PPARGC1B: variants seen among roughly 807,000 people sequenced by gnomAD.
PPARGC1B encodes PPARG coactivator 1 beta, also known as peroxisome proliferator-activated receptor gamma coactivator 1-beta.
Under a neutral mutation model 101.6 loss-of-function variants are expected in PPARGC1B, and 34 were observed. The observed-to-expected ratio is 0.33, with a 90% CI of 0.25 to 0.45. PPARGC1B has a LOEUF of 0.45. Ranked by LOEUF, PPARGC1B falls within the 20% of genes least tolerant of loss-of-function variation. The probability of loss-of-function intolerance (pLI) is 1.00; values close to 1 mark genes in which losing one functional copy is unlikely to be tolerated. For synonymous variants in PPARGC1B, 548 were observed against 539.3 expected (o/e 1.02, Z -0.22); for missense variants, 1,234 against 1,317.6 (o/e 0.94, Z 0.98).
chr5:149,759,900 G>A (rs147636456), intron 1 of PPARGC1B, among the ~76,000 whole-genome samples: 22 of 152,348 alleles, frequency 1.4e-4, no homozygotes, highest in Non-Finnish European at 2.2e-4. Context: ...TAGTGGCAGA[G>A]CTGGGATTTG....
intron 1 of PPARGC1B, among the ~76,000 whole-genome samples, chr5:149,756,965 C>T (rs972782231): frequency 3.3e-5 from 5 of 152,300 alleles, no homozygotes; most frequent in South Asian, 4.1e-4. Context: ...TGTTCAGTAA[C>T]CACTGTGCTT....
chr5:149,748,815 T>C (rs1427690839), intron 1 of PPARGC1B, among the ~76,000 whole-genome samples: 1 of 152,160 alleles, frequency 6.6e-6, no homozygotes, highest in Non-Finnish European at 1.5e-5. Context: ...GAACGAAATG[T>C]CTGGAAGAAT....
intron 1 of PPARGC1B, among the ~76,000 whole-genome samples, chr5:149,782,197 G>T (rs1756624483): frequency 6.6e-6 from 1 of 152,126 alleles, no homozygotes; most frequent in African/African-American, 2.4e-5. Context: ...GAAGGCTCCT[G>T]ATCAGCTTGG....
chr5:149,814,156 A>AT (rs1254828423), intron 1 of PPARGC1B, among the ~76,000 whole-genome samples: 2 of 152,128 alleles, frequency 1.3e-5, no homozygotes, highest in Non-Finnish European at 2.9e-5. Context: ...TATTATCCCC[A>AT]TTTTGTGACT....
chr5:149,788,519 G>A (rs947924576), intron 1 of PPARGC1B, among the ~76,000 whole-genome samples: 3 of 152,190 alleles, frequency 2.0e-5, no homozygotes, highest in Non-Finnish European at 2.9e-5. Context: ...ACAGTGTGGC[G>A]ATTCCTTAAG....
At chr5:149,820,051 A>G (rs1758222448) in intron 1 of PPARGC1B, among the ~76,000 whole-genome samples, 2 of 152,214 alleles carry the variant, frequency 1.3e-5, no homozygotes, top group Admixed American at 1.3e-4. Flanking sequence ...TTATTAATAT[A>G]GAGGCATTGT....
chr5:149,769,812 C>G (rs1411042055), intron 1 of PPARGC1B, among the ~76,000 whole-genome samples: 7 of 152,124 alleles, frequency 4.6e-5, no homozygotes, highest in African/African-American at 1.7e-4. Flanking sequence ...GGCTTGTGGC[C>G]CCTTCACTTA....
chr5:149,754,843 G>A (rs1755447694), intron 1 of PPARGC1B, among the ~76,000 whole-genome samples: 2 of 134,284 alleles, frequency 1.5e-5, no homozygotes, highest in Admixed American at 8.2e-5. Flanking sequence ...GTGCAGTGGT[G>A]TGATCTCAGC....
chr5:149,820,230 AG>A (rs1758232246), intron 1 of PPARGC1B, among the ~76,000 whole-genome samples: 1 of 152,180 alleles, frequency 6.6e-6, no homozygotes, highest in African/African-American at 2.4e-5. Context: ...GGAGAGCAGC[AG>A]GGGGTTTTGT....
chr5:149,759,979 T>G (rs1755663267), intron 1 of PPARGC1B, among the ~76,000 whole-genome samples: 1 of 152,224 alleles, frequency 6.6e-6, no homozygotes, highest in South Asian at 2.1e-4. Flanking sequence ...ACACCCATTA[T>G]GTGCAAGGAG....
intron 1 of PPARGC1B, among the ~76,000 whole-genome samples, chr5:149,802,629 T>TCA (rs2113295649): frequency 6.6e-6 from 1 of 151,112 alleles, no homozygotes; most frequent in South Asian, 2.1e-4. Flanking sequence ...GCATACGTGA[T>TCA]CACACAGAGC....
intron 9 of PPARGC1B, among the ~76,000 whole-genome samples, chr5:149,841,647 A>G (rs1452028437): frequency 1.3e-5 from 2 of 152,176 alleles, no homozygotes. Flanking sequence ...CAACCAGATC[A>G]AATCACAGAT....
chr5:149,855,755 CTT>C (rs1031101484), downstream of PPARGC1B, among the ~76,000 whole-genome samples: 3 of 152,150 alleles, frequency 2.0e-5, no homozygotes, highest in African/African-American at 7.2e-5. Flanking sequence ...TGTGCTTTAA[CTT>C]TATTTTTAAA....
chr5:149,835,328 T>G lies in PPARGC1B; in HGVS notation c.1770T>G (p.Phe590Leu). ...ACCCAACTTTTGGCAAGAAGAGCTT[T>G]GAGCAGACCTTGACAGTGGAGCTCT... ...QSDPTFGKKSFEQTLTVELCG... is the reference protein window; with the variant it reads ...QSDPTFGKKSLEQTLTVELCG... Residue 590 changes from phenylalanine (F) to leucine (L), a missense_variant, in exon 7 of 12, where the codon TTT becomes TTG. Physicochemically the swap from Phe to Leu is conservative, Grantham distance 22. Coordinates refer to ENST00000309241, the MANE Select transcript of PPARGC1B (RefSeq NM_133263.4). The G allele has an allele frequency of 1.9e-6, 3 of 1,614,218 alleles. No homozygotes were observed. Among genetic ancestry groups the G allele is most frequent in the Non-Finnish European group, 2.5e-6 (3 of 1,180,022 alleles).
At chr5:149,806,372 G>A (rs919768465) in intron 1 of PPARGC1B, among the ~76,000 whole-genome samples, 7 of 152,176 alleles carry the variant, frequency 4.6e-5, no homozygotes, top group Non-Finnish European at 7.4e-5. Flanking sequence ...TGAAGGGGCT[G>A]CCTGACCTTC....
At chr5:149,773,359 G>C (rs938565934) in intron 1 of PPARGC1B, among the ~76,000 whole-genome samples, 6 of 152,258 alleles carry the variant, frequency 3.9e-5, no homozygotes, top group Non-Finnish European at 8.8e-5. Flanking sequence ...GCCATGTTTT[G>C]TGCAGCTGGT....
chr5:149,732,090 C>T (rs1477684570), intron 1 of PPARGC1B, among the ~76,000 whole-genome samples: 2 of 151,602 alleles, frequency 1.3e-5, no homozygotes, highest in Non-Finnish European at 2.9e-5. Flanking sequence ...ACACGCCGCG[C>T]GCGCCGGGCG....
At chr5:149,809,848 A>C (rs537118244) in intron 1 of PPARGC1B, among the ~76,000 whole-genome samples, 1 of 151,950 alleles carries the variant, frequency 6.6e-6, no homozygotes, top group African/African-American at 2.4e-5. Flanking sequence ...CAGAGACGGG[A>C]TGGCCATTTG....
intron 6 of PPARGC1B, among the ~76,000 whole-genome samples, chr5:149,834,955 C>T (rs956591750): frequency 1.3e-5 from 2 of 152,230 alleles, no homozygotes; most frequent in Non-Finnish European, 2.9e-5. Context: ...CTCTTGGGGG[C>T]CCTGAAAAGA....
Sources: gnomAD v4.1 joint callset for allele counts (sites outside exome capture counted in the v4.1 genomes callset) on GRCh38, gnomAD v4.1.1 for gene constraint, MANE v1.5 for transcripts, NCBI Gene and HGNC (gene_info 2026-07-23, HGNC 2026-07-21) for gene names.